Variants in CAPS2 observed in about 807,000 individuals in gnomAD.
CAPS2 encodes calcyphosine 2.
A neutral mutation model predicts 86.5 loss-of-function variants in CAPS2; 98 were observed. That is an observed-to-expected ratio of 1.13 (90% CI 0.96 to 1.34). The LOEUF is 1.34. Among genes scored for constraint, CAPS2 ranks in the 40% most tolerant of loss-of-function variants. The probability of loss-of-function intolerance (pLI) is 0.00; values close to 1 mark genes in which losing one functional copy is unlikely to be tolerated. For missense variants in CAPS2, 729 were observed against 686.8 expected, an observed-to-expected ratio of 1.06 and a Z score of -0.69; for synonymous variants, 210 against 225.1, an observed-to-expected ratio of 0.93 and a Z score of 0.60.
At chr12:75,320,174 A>G (rs2040165614) in intron 5 of CAPS2, among the ~76,000 whole-genome samples, 1 of 152,098 alleles carries the variant, frequency 6.6e-6, no homozygotes, top group South Asian at 2.1e-4. Flanking sequence ...ATACTTACCA[A>G]TTTTATGGAA....
intron 1 of CAPS2, among the ~76,000 whole-genome samples, chr12:75,384,972 T>C (rs2045212232): frequency 6.6e-6 from 1 of 152,192 alleles, no homozygotes; most frequent in African/African-American, 2.4e-5. Context: ...CATTCATAGA[T>C]TAATGGATTA....
intron 8 of CAPS2, among the ~76,000 whole-genome samples, chr12:75,301,200 T>G (rs1289985922): frequency 6.6e-6 from 1 of 152,232 alleles, no homozygotes; most frequent in Admixed American, 6.5e-5. Context: ...ATAATATTCC[T>G]TCCATAAAAC....
chr12:75,313,594 AT>A (rs1406700852), intron 6 of CAPS2, among the ~76,000 whole-genome samples: 1 of 152,182 alleles, frequency 6.6e-6, no homozygotes, highest in African/African-American at 2.4e-5. Context: ...TAATCATTTA[AT>A]TCAAATTATA....
chr12:75,306,846 G>A (rs2138693486), intron 7 of CAPS2, among the ~76,000 whole-genome samples: 1 of 152,132 alleles, frequency 6.6e-6, no homozygotes, highest in Middle Eastern at 3.4e-3. Flanking sequence ...CCTCAATGTG[G>A]GCACTTGGCA....
At chr12:75,286,090 A>C (rs1217137350) in intron 14 of CAPS2, among the ~76,000 whole-genome samples, 2 of 152,068 alleles carry the variant, frequency 1.3e-5, no homozygotes. Flanking sequence ...TCAATGTTTT[A>C]ATCAAGTTGT....
At position 75,363,225 on chromosome 12, in the gene CAPS2, A is replaced by C. The variant is rs957628148; in HGVS notation, c.-395+27613T>G. ...AATATATATATATAATTACATTTAG[A>C]GAGTAAAGTTTCCATATATTTATTA... On this transcript the variant is annotated intron_variant, in intron 1 of 5. Transcript: ENST00000551829. The C allele has an allele frequency of 8.2e-6, 8 of 974,804 alleles. No homozygotes were observed. In the Admixed American group the frequency reaches 1.0e-4, roughly 13 times the overall value. The allele number at this position is 974,804 out of a possible 1,614,324, so 60.4% of individuals were successfully genotyped here.
chr12:75,330,308 C>T (rs1003760097), upstream of CAPS2, among the ~76,000 whole-genome samples: 1 of 152,348 alleles, frequency 6.6e-6, no homozygotes, highest in African/African-American at 2.4e-5. Flanking sequence ...GCCGCCGCAG[C>T]CTCCCAGGGA....
chr12:75,347,520 A>G (rs1392505260), intron 1 of CAPS2: 8 of 627,136 alleles, frequency 1.3e-5, no homozygotes, highest in South Asian at 2.1e-5. Context: ...ATTTATGTAC[A>G]TTATTTTTTG....
chr12:75,314,358 T>C (rs907256056), intron 6 of CAPS2, among the ~76,000 whole-genome samples: 2 of 152,198 alleles, frequency 1.3e-5, no homozygotes, highest in Admixed American at 1.3e-4. Flanking sequence ...TTTCATTTAT[T>C]GATAATGTTT....
intron 15 of CAPS2, among the ~76,000 whole-genome samples, chr12:75,283,177 G>T (rs1484080598): frequency 6.6e-6 from 1 of 152,128 alleles, no homozygotes. Flanking sequence ...TTGTGCTATT[G>T]TTCCTCTAAT....
At chr12:75,384,675 C>T (rs1242406982) in intron 1 of CAPS2, among the ~76,000 whole-genome samples, 1 of 152,064 alleles carries the variant, frequency 6.6e-6, no homozygotes, top group East Asian at 1.9e-4. Flanking sequence ...ACCCTAATAC[C>T]AAAATCCTGC....
At chr12:75,323,828 A>G (rs545528524) in intron 2 of CAPS2, among the ~76,000 whole-genome samples, 1 of 152,296 alleles carries the variant, frequency 6.6e-6, no homozygotes, top group South Asian at 2.1e-4. Context: ...TGTGCTCTAG[A>G]GATTATCTAT....
At chr12:75,326,845 T>G (rs537342663), upstream of CAPS2, among the ~76,000 whole-genome samples, 45 of 152,288 alleles carry the variant, frequency 3.0e-4, no homozygotes, top group Non-Finnish European at 1.8e-4. Flanking sequence ...GTGGGCTCAG[T>G]GTAACCACCA....
intron 1 of CAPS2, among the ~76,000 whole-genome samples, chr12:75,367,818 C>A (rs1295233527): frequency 2.0e-5 from 3 of 151,978 alleles, no homozygotes; most frequent in African/African-American, 7.2e-5. Flanking sequence ...ATAGTTCATT[C>A]ATTTCTCCAG....
chr12:75,382,511 A>T (rs962016452), intron 1 of CAPS2, among the ~76,000 whole-genome samples: 11 of 152,000 alleles, frequency 7.2e-5, no homozygotes, highest in Non-Finnish European at 1.6e-4. Context: ...GTGGTGGTGC[A>T]TGCCTGTAGT....
At chr12:75,288,426 A>G (rs927607953) in intron 14 of CAPS2, among the ~76,000 whole-genome samples, 1 of 152,160 alleles carries the variant, frequency 6.6e-6, no homozygotes, top group Non-Finnish European at 1.5e-5. Context: ...GAGCCCCCCA[A>G]TCAAAAAAGT....
Position 75,289,777 on chromosome 12 carries a change from T to C in CAPS2, c.1241-2A>G, listed in dbSNP as rs749779254. The C allele has an allele frequency of 1.1e-5, 17 of 1,606,870 alleles. No individual in the cohort carries two copies. The highest frequency in any genetic ancestry group is 3.3e-5 in the South Asian group (3 of 90,192). ...TATGTAGTTTTTCTTTTAGCACATC[T>C]GTTCAACAAGAAGAGAGATGAAAAC... On this transcript the variant is annotated splice_acceptor_variant, in intron 13 of 16. Transcript: ENST00000393284. LOFTEE classifies it high-confidence loss of function.
chr12:75,367,125 GA>G lies in CAPS2; in HGVS notation c.-395+23712del, dbSNP rs2044023560. ...AAAACGTAATGGAGAAGACACTTTA[GA>G]ATACACCTCCAAAGTGGAAACCAAA... On this transcript the variant is annotated intron_variant, in intron 1 of 5. Transcript: ENST00000551829. The G allele has an allele frequency of 1.3e-5, 9 of 669,284 alleles. No individual in the cohort carries two copies. In the South Asian group the frequency reaches 1.4e-4, roughly 11 times the overall value. 41.5% of individuals were successfully genotyped at this position (669,284 alleles called of 1,614,324 possible).
intron 7 of CAPS2, chr12:75,306,320 T>C: frequency 1.8e-6 from 1 of 541,620 alleles, no homozygotes. Context: ...GGGAGGCTAA[T>C]CCCACTGCCT....
Sources: gnomAD v4.1 joint callset for allele counts (sites outside exome capture counted in the v4.1 genomes callset) on GRCh38, gnomAD v4.1.1 for gene constraint, MANE v1.5 for transcripts, NCBI Gene and HGNC (gene_info 2026-07-23, HGNC 2026-07-21) for gene names.